The following TNKS variants were observed in gnomAD, a reference collection of about 807,000 sequenced individuals.
TNKS encodes the protein poly [ADP-ribose] polymerase tankyrase-1.
Under a neutral mutation model 135.8 loss-of-function variants are expected in TNKS, and 72 were observed. The ratio of observed to expected loss-of-function variants is 0.53; its 90% CI spans 0.44 to 0.64. The LOEUF is 0.64. Ranked by LOEUF, TNKS falls within the 30% of genes least tolerant of loss-of-function variation. The pLI, the probability that TNKS is intolerant of heterozygous loss-of-function variation, is 0.00. For missense variants in TNKS, 1,769 were observed against 1,674.0 expected, an observed-to-expected ratio of 1.06 and a Z score of -0.99; for synonymous variants, 849 against 649.3, an observed-to-expected ratio of 1.31 and a Z score of -4.68.
intron 1 of TNKS, among the ~76,000 whole-genome samples, chr8:9,562,172 TTTA>T (rs1554524695): frequency 6.6e-6 from 1 of 152,070 alleles, no homozygotes; most frequent in Non-Finnish European, 1.5e-5. Context: ...ACACTTCAGT[TTTA>T]TTCAGTTTTG....
At chr8:9,628,364 GT>G (rs923788877) in intron 3 of TNKS, among the ~76,000 whole-genome samples, 107 of 151,822 alleles carry the variant, frequency 7.0e-4, no homozygotes, top group South Asian at 4.2e-4. Flanking sequence ...GTTATTGTTT[GT>G]TTTTTTCTCC....
At position 9,752,585 on chromosome 8, in the gene TNKS, C is replaced by T; in HGVS notation, c.3112C>T (p.Leu1038Phe). The T allele has an allele frequency of 1.9e-6, 3 of 1,613,294 alleles. No homozygotes were observed. The highest frequency in any genetic ancestry group is 1.1e-5 in the South Asian group (1 of 91,040). ...DMNISQFLKS[L>F]GLEHLRDIFE... ...GAATATCAGCCAATTTCTAAAAAGC[C>T]TTGGCCTTGAACACCTTCGGGATAT... is the stretch of plus-strand genomic sequence containing the variant. The change falls in exon 20 of 27, where the codon CTT (leucine) becomes TTT (phenylalanine). Residue 1038 changes from leucine to phenylalanine, a missense_variant. Physicochemically the swap from Leu to Phe is conservative, Grantham distance 22. Coordinates refer to ENST00000310430, the MANE Select transcript of TNKS (RefSeq NM_003747.3).
intron 1 of TNKS, among the ~76,000 whole-genome samples, chr8:9,559,565 A>T (rs1585165370): frequency 6.6e-6 from 1 of 150,756 alleles, no homozygotes; most frequent in African/African-American, 2.5e-5. Flanking sequence ...GCATAGTAGC[A>T]GATAGGTAGT....
At chr8:9,593,674 A>T (rs575814061) in intron 2 of TNKS, among the ~76,000 whole-genome samples, 2 of 152,022 alleles carry the variant, frequency 1.3e-5, no homozygotes, top group Admixed American at 6.6e-5. Flanking sequence ...TGTGTCTGCT[A>T]TTTAGAAAGA....
intron 2 of TNKS, among the ~76,000 whole-genome samples, chr8:9,600,629 A>C (rs1452479854): frequency 1.3e-5 from 2 of 152,144 alleles, no homozygotes; most frequent in African/African-American, 4.8e-5. Context: ...TTTTTTTTAA[A>C]AAAGAAATGC....
chr8:9,612,462 G>C (rs905620524), intron 2 of TNKS, among the ~76,000 whole-genome samples: 3 of 151,998 alleles, frequency 2.0e-5, no homozygotes, highest in African/African-American at 7.3e-5. Flanking sequence ...CACTGCCCAG[G>C]GTCAGGGGTC....
At chr8:9,716,212 G>A (rs562354057) in intron 11 of TNKS, among the ~76,000 whole-genome samples, 4 of 152,246 alleles carry the variant, frequency 2.6e-5, no homozygotes, top group African/African-American at 7.2e-5. Flanking sequence ...ATTTAGAAGC[G>A]ATCACGAGTC....
chr8:9,590,175 A>C (rs972024739), intron 2 of TNKS, among the ~76,000 whole-genome samples: 1 of 152,108 alleles, frequency 6.6e-6, no homozygotes, highest in African/African-American at 2.4e-5. Context: ...ACTCATCTTC[A>C]GGGCCCTCCT....
At chr8:9,664,846 C>T (rs1223897749) in intron 3 of TNKS, among the ~76,000 whole-genome samples, 2 of 152,180 alleles carry the variant, frequency 1.3e-5, no homozygotes, top group African/African-American at 4.8e-5. Context: ...GCTAATCTAA[C>T]CTTTTACCCC....
At chr8:9,642,262 T>C (rs1328498203) in intron 3 of TNKS, among the ~76,000 whole-genome samples, 3 of 146,514 alleles carry the variant, frequency 2.0e-5, no homozygotes, top group Non-Finnish European at 4.5e-5. Context: ...TTTCTTTTGC[T>C]AGCACAGAAT....
intron 20 of TNKS, among the ~76,000 whole-genome samples, chr8:9,758,870 G>A (rs11995167): frequency 0.1 from 15,669 of 152,238 alleles, 1,037 homozygotes; most frequent in African/African-American, 0.18. Flanking sequence ...CAGCTTAGTT[G>A]TGTCCTTTGC....
chr8:9,661,005 A>T (rs1007655120), intron 3 of TNKS, among the ~76,000 whole-genome samples: 4 of 150,024 alleles, frequency 2.7e-5, no homozygotes, highest in Non-Finnish European at 5.9e-5. Flanking sequence ...AGAATAAAAT[A>T]CCTAGGAATC....
At chr8:9,689,898 T>C (rs1354275515) in intron 5 of TNKS, among the ~76,000 whole-genome samples, 1 of 152,184 alleles carries the variant, frequency 6.6e-6, no homozygotes, top group Admixed American at 6.5e-5. Context: ...GTTTCTTCTT[T>C]CCAGAAGACC....
intron 11 of TNKS, among the ~76,000 whole-genome samples, chr8:9,716,588 G>C (rs1804610738): frequency 6.6e-6 from 1 of 152,148 alleles, no homozygotes; most frequent in African/African-American, 2.4e-5. Context: ...TTGTAGCTGA[G>C]ATTCACAAAA....
intron 26 of TNKS, chr8:9,772,479 T>C: frequency 2.2e-6 from 1 of 452,746 alleles, no homozygotes; most frequent in Non-Finnish European, 4.4e-6. Flanking sequence ...AAAGATTGTA[T>C]TCTTCAAAAA....
At chr8:9,597,300 C>T (rs1352229262) in intron 2 of TNKS, among the ~76,000 whole-genome samples, 1 of 152,164 alleles carries the variant, frequency 6.6e-6, no homozygotes, top group Non-Finnish European at 1.5e-5. Context: ...TTTCTTTCCA[C>T]TTGCTTTCTT....
At chr8:9,560,838 C>G (rs1797300398) in intron 1 of TNKS, among the ~76,000 whole-genome samples, 1 of 151,852 alleles carries the variant, frequency 6.6e-6, no homozygotes, top group South Asian at 2.1e-4. Flanking sequence ...AACCTTAACA[C>G]TTTTCTGAAG....
intron 2 of TNKS, among the ~76,000 whole-genome samples, chr8:9,599,640 A>C (rs1012524294): frequency 1.3e-5 from 2 of 152,176 alleles, no homozygotes; most frequent in African/African-American, 4.8e-5. Flanking sequence ...TTGTTATGTG[A>C]GCAGATAATT....
intron 3 of TNKS, among the ~76,000 whole-genome samples, chr8:9,617,028 C>G (rs1213084521): frequency 6.6e-6 from 1 of 152,180 alleles, no homozygotes; most frequent in Non-Finnish European, 1.5e-5. Context: ...TCTAAATGTC[C>G]TCCCTCTGAC....
Sources: allele counts gnomAD v4.1 joint callset (sites outside exome capture counted in the v4.1 genomes callset), GRCh38; gene constraint gnomAD v4.1.1; transcripts MANE v1.5; gene names NCBI Gene and HGNC (gene_info 2026-07-23, HGNC 2026-07-21).